The following ZFYVE28 variants were observed in gnomAD, a reference collection of about 807,000 sequenced individuals.
ZFYVE28 encodes zinc finger FYVE-type containing 28.
Under a neutral mutation model 82.1 loss-of-function variants are expected in ZFYVE28, and 40 were observed. The observed-to-expected ratio is 0.49, with a 90% CI of 0.38 to 0.63. ZFYVE28 has a LOEUF of 0.63. ZFYVE28 is among the 30% of genes least tolerant of loss of function. ZFYVE28 has a pLI of 0.00. For synonymous variants in ZFYVE28, 612 were observed against 546.1 expected (o/e 1.12, Z -1.68); for missense variants, 1,321 against 1,242.1 (o/e 1.06, Z -0.96).
rs1730216587 is a variant in ZFYVE28, at chr4:2,394,527, T to C, written c.39+23758A>G. On this transcript the variant is annotated intron_variant, in intron 1 of 12. Transcript: ENST00000290974. This position sits in a 1 kb window ranked among gnomAD's most constrained non-coding sequence, Gnocchi z 4.0. Reference sequence around the variant, plus strand: ...GGCTGCGTTTCTCTTCACGGGGTGGTTGACCGCATGAGAAGGGTCATGAAC... The same window carrying C: ...GGCTGCGTTTCTCTTCACGGGGTGGCTGACCGCATGAGAAGGGTCATGAAC... 6.6e-6 allele frequency among the ~76,000 whole-genome samples: 1 copy of C among 152,190 alleles called. No homozygotes were observed. Among genetic ancestry groups the C allele is most frequent in the Admixed American group, 6.5e-5 (1 of 15,284 alleles).
At position 2,304,567 on chromosome 4, in the gene ZFYVE28, A is replaced by G; in HGVS notation, c.1773T>C (p.Ile591=). 1 of 1,612,700 alleles carries G rather than the reference A, an allele frequency of 6.2e-7. No homozygotes were observed. The highest frequency in any genetic ancestry group is 8.5e-7 in the Non-Finnish European group (1 of 1,179,896). Residue 591 remains isoleucine (I), a synonymous_variant, in exon 8 of 13, where the codon ATT becomes ATC. Transcript: ENST00000290974. ...LREKCSPGGV[I]GASYAAGLAK... Reference sequence around the variant, plus strand: ...CTAAGCCGGCAGCGTACGAGGCACCAATGACGCCTCCCGGGCTGCACTTCT... The same window carrying G: ...CTAAGCCGGCAGCGTACGAGGCACCGATGACGCCTCCCGGGCTGCACTTCT...
chr4:2,339,767 G>A lies in ZFYVE28; in HGVS notation c.319-112C>T. The A allele has an allele frequency of 1.1e-6, 1 of 901,716 alleles. No individual in the cohort carries two copies. Among genetic ancestry groups the A allele is most frequent in the African/African-American group, 1.7e-5 (1 of 59,586 alleles). 55.9% of individuals were successfully genotyped at this position (901,716 alleles called of 1,614,324 possible). ...TCGGGGCCCCTCTTCTCACCCCACA[G>A]CACAGGCCAGCTCGTGTTCCCGGTC... On this transcript the variant is annotated intron_variant, in intron 3 of 12. Coordinates refer to ENST00000290974, the MANE Select transcript of ZFYVE28 (RefSeq NM_020972.3). The surrounding 1 kb of genome is among the most constrained non-coding windows in gnomAD (Gnocchi z 5.0).
At position 2,341,403 on chromosome 4, in the gene ZFYVE28, T is replaced by C; in HGVS notation, c.318+75A>G. 1.9e-6 allele frequency: 3 copies of C among 1,573,116 alleles called. No homozygotes were observed. Among genetic ancestry groups the C allele is most frequent in the Middle Eastern group, 2.3e-4 (1 of 4,364 alleles). ...AGGTCCCGGCACCTGCAGGCGCCCA[T>C]GCACAAGGTTCGCAGGGACTTGGCT... On this transcript the variant is annotated intron_variant, in intron 3 of 12. Transcript: ENST00000290974. This position sits in a 1 kb window ranked among gnomAD's most constrained non-coding sequence, Gnocchi z 4.5.
intron 1 of ZFYVE28, among the ~76,000 whole-genome samples, chr4:2,357,953 C>T (rs1046304195): frequency 3.9e-5 from 6 of 152,174 alleles, no homozygotes; most frequent in Admixed American, 3.9e-4. Context: ...GCGGAGGAGA[C>T]GGCTCAGCCA....
At chr4:2,271,819 G>A (rs1735938265) in intron 10 of ZFYVE28, 40 bp from the exon 11 acceptor site, 8 of 1,585,444 alleles carry the variant, frequency 5.0e-6, no homozygotes, top group African/African-American at 2.7e-5. Flanking sequence ...GGTGAGGGAG[G>A]CGGGCAATTG....
In ZFYVE28 at chr4:2,304,486, T is replaced by C. The variant is rs777629702; in HGVS notation, c.1854A>G (p.Glu618=). The part of the protein sequence containing the change: ...ERQEEAPPPS[E]DASNGREPKA... Reference sequence around the variant, plus strand: ...TGGGCTCCCGCCCGTTGGAGGCATCTTCTGAGGGTGGGGGCGCCTCCTCCT... The same window carrying C: ...TGGGCTCCCGCCCGTTGGAGGCATCCTCTGAGGGTGGGGGCGCCTCCTCCT... The change falls in exon 8 of 13, where the codon GAA becomes GAG. Residue 618 remains glutamate, a synonymous_variant. Transcript: ENST00000290974. The C allele has an allele frequency of 1.2e-5, 19 of 1,613,014 alleles. No individual in the cohort carries two copies. The East Asian group carries it at 3.3e-4, about 28-fold the overall frequency.
At chr4:2,400,615 AT>A (rs752146249) in intron 1 of ZFYVE28, among the ~76,000 whole-genome samples, 2 of 152,212 alleles carry the variant, frequency 1.3e-5, no homozygotes, top group Non-Finnish European at 2.9e-5. Flanking sequence ...AGGTCCCACA[AT>A]AAGCTGTCTG....
chr4:2,405,989 C>T (rs1207568989), intron 1 of ZFYVE28, among the ~76,000 whole-genome samples: 2 of 145,118 alleles, frequency 1.4e-5, no homozygotes, highest in Non-Finnish European at 3.0e-5. Context: ...GCGGAGGTTG[C>T]AGTGAGCCAA....
chr4:2,356,403 G>A (rs1351373937), intron 1 of ZFYVE28, among the ~76,000 whole-genome samples: 5 of 129,536 alleles, frequency 3.9e-5, no homozygotes, highest in African/African-American at 1.2e-4. Context: ...CCCAGACCCC[G>A]CCCCCCCGGC....
At chr4:2,374,740 A>C (rs1039143616) in intron 1 of ZFYVE28, among the ~76,000 whole-genome samples, 1 of 152,244 alleles carries the variant, frequency 6.6e-6, no homozygotes, top group African/African-American at 2.4e-5. Flanking sequence ...TAAACTTTTA[A>C]ATTGAACTCA....
intron 1 of ZFYVE28, among the ~76,000 whole-genome samples, chr4:2,376,565 A>T (rs1433565231): frequency 6.6e-6 from 1 of 152,144 alleles, no homozygotes; most frequent in East Asian, 1.9e-4. Flanking sequence ...TTCACAGGGC[A>T]GCAGGAGAGA....
rs542752549 is a variant in ZFYVE28 at position 2,333,947 on chromosome 4, C to T, written c.701+1758G>A. Among the ~76,000 whole-genome samples the T allele has an allele frequency of 1.2e-4, 19 of 152,282 alleles. 3 individuals are homozygous for T. The highest frequency in any genetic ancestry group is 4.1e-4 in the South Asian group (2 of 4,826). On this transcript the variant is annotated intron_variant, in intron 6 of 12. Coordinates refer to ENST00000290974, the MANE Select transcript of ZFYVE28 (RefSeq NM_020972.3). ...AAATCCTGTGGCCCATGGGAAGGGG[C>T]GCTCTGTGCTCTGGGGTGGCCTCTC... is the stretch of plus-strand genomic sequence containing the variant.
chr4:2,357,775 G>A lies in ZFYVE28; in HGVS notation c.40-3702C>T, dbSNP rs550628570. Among the ~76,000 whole-genome samples the A allele has an allele frequency of 9.2e-5, 14 of 152,292 alleles. No individual in the cohort carries two copies. In the South Asian group the frequency reaches 2.7e-3, roughly 29 times the overall value. ...AGGGCACTGGATGACAACACCTCCT[G>A]GAAGCTAAATCTCGGCTCTGAGAAA... is the stretch of plus-strand genomic sequence containing the variant. On this transcript the variant is annotated intron_variant, in intron 1 of 12. Coordinates refer to ENST00000290974, the MANE Select transcript of ZFYVE28 (RefSeq NM_020972.3).
intron 1 of ZFYVE28, among the ~76,000 whole-genome samples, chr4:2,407,701 CT>C (rs1301583474): frequency 6.6e-6 from 1 of 152,160 alleles, no homozygotes; most frequent in Non-Finnish European, 1.5e-5. Flanking sequence ...AGTGATTCTC[CT>C]GCCTCAGCCT....
intron 8 of ZFYVE28, among the ~76,000 whole-genome samples, chr4:2,284,031 C>G (rs1712360443): frequency 6.6e-6 from 1 of 152,234 alleles, no homozygotes. Context: ...ACGCAATTCC[C>G]TGTAGGCTAC....
intron 1 of ZFYVE28, among the ~76,000 whole-genome samples, chr4:2,367,890 G>T (rs1727053536): frequency 6.6e-6 from 1 of 152,116 alleles, no homozygotes; most frequent in African/African-American, 2.4e-5. Context: ...TCTAATCACG[G>T]AGCCCCTGAC....
chr4:2,322,761 A>G (rs1578084670), intron 6 of ZFYVE28, among the ~76,000 whole-genome samples: 1 of 152,160 alleles, frequency 6.6e-6, no homozygotes, highest in Non-Finnish European at 1.5e-5. Context: ...TCCTCACCTC[A>G]GCCACTGGCA....
intron 6 of ZFYVE28, among the ~76,000 whole-genome samples, chr4:2,331,609 G>A (rs893579244): frequency 2.0e-5 from 3 of 152,204 alleles, no homozygotes; most frequent in African/African-American, 2.4e-5. Flanking sequence ...TCCCCAGGAC[G>A]CGTGTCTCAA....
chr4:2,411,747 C>T (rs1732540511), intron 1 of ZFYVE28, among the ~76,000 whole-genome samples: 1 of 152,274 alleles, frequency 6.6e-6, no homozygotes, highest in Middle Eastern at 3.4e-3. Context: ...CACAAATGAC[C>T]CTCACACCTC....
Sources: allele counts gnomAD v4.1 joint callset (sites outside exome capture counted in the v4.1 genomes callset), GRCh38; gene constraint gnomAD v4.1.1; non-coding constraint Gnocchi (gnomAD v3.1); transcripts MANE v1.5; gene names NCBI Gene and HGNC (gene_info 2026-07-23, HGNC 2026-07-21).